Variants in IFT122 observed in about 807,000 individuals in gnomAD.
The protein encoded by IFT122 is intraflagellar transport 122, also known as intraflagellar transport protein 122 homolog.
In IFT122, 118 loss-of-function variants were observed where a neutral mutation model predicts 161.6. The ratio of observed to expected loss-of-function variants is 0.73; its 90% confidence interval spans 0.63 to 0.85. The LOEUF is 0.85. IFT122 is among the 40% of genes least tolerant of loss of function. The pLI, the probability that IFT122 is intolerant of heterozygous loss-of-function variation, is 0.00. For synonymous variants in IFT122, 550 were observed against 602.4 expected (o/e 0.91, Z 1.27); for missense variants, 1,381 against 1,579.6 (o/e 0.87, Z 2.13).
chr3:129,516,962 C>A (rs2083906846), intron 26 of IFT122, among the ~76,000 whole-genome samples: 1 of 139,414 alleles, frequency 7.2e-6, no homozygotes, highest in Non-Finnish European at 1.5e-5. Context: ...GAGACTGCCC[C>A]TACACACACA....
chr3:129,490,918 G>A (rs1482490288), intron 16 of IFT122, among the ~76,000 whole-genome samples: 2 of 152,230 alleles, frequency 1.3e-5, no homozygotes, highest in South Asian at 2.1e-4. Flanking sequence ...CTCCCTTAAC[G>A]CTGCCTCCCA....
At chr3:129,474,228 ACAGT>A (rs1298322777) in intron 9 of IFT122, among the ~76,000 whole-genome samples, 1 of 152,232 alleles carries the variant, frequency 6.6e-6, no homozygotes, top group Non-Finnish European at 1.5e-5. Context: ...GATGCCTTAA[ACAGT>A]CAAAGTCAAT....
intron 15 of IFT122, chr3:129,483,945 T>A (rs777459038): frequency 1.6e-4 from 86 of 533,076 alleles, no homozygotes; most frequent in Admixed American, 3.7e-4. Flanking sequence ...GGGTATGCAG[T>A]GTTGTCAGCA....
chr3:129,483,176 G>T (rs2078877816), intron 14 of IFT122, among the ~76,000 whole-genome samples: 1 of 152,132 alleles, frequency 6.6e-6, no homozygotes, highest in Non-Finnish European at 1.5e-5. Context: ...GATTATAAAA[G>T]ATTTAGTCAT....
intron 29 of IFT122, among the ~76,000 whole-genome samples, chr3:129,519,951 G>A (rs1054698131): frequency 7.2e-5 from 11 of 152,102 alleles, no homozygotes; most frequent in Admixed American, 2.6e-4. Context: ...AAATCCTGGG[G>A]GCCCAGCAAG....
rs2078900161 is a variant in IFT122 at position 129,483,379 on chromosome 3, C to A, written c.1654-106C>A. On this transcript the variant is annotated intron_variant, in intron 14 of 29. Coordinates refer to ENST00000348417, the MANE Select transcript of IFT122 (RefSeq NM_052989.3). Reference sequence around the variant, plus strand: ...CCTTTTCCCTCCATCCCACTGTAAGCAATTTAGTGGGATTCAGTCTTTAAG... The same window carrying A: ...CCTTTTCCCTCCATCCCACTGTAAGAAATTTAGTGGGATTCAGTCTTTAAG... 3 of 938,420 alleles carry A rather than the reference C, an allele frequency of 3.2e-6. No homozygotes were observed. The Admixed American group carries it at 5.2e-5, about 16-fold the overall frequency. The allele number at this position is 938,420 out of a possible 1,614,324, so 58.1% of individuals were successfully genotyped here. A position where few individuals can be genotyped will look rare whatever the true frequency, so the allele number is the denominator to read the frequency against.
chr3:129,487,130 G>T (rs2079383704), intron 15 of IFT122, among the ~76,000 whole-genome samples: 1 of 152,210 alleles, frequency 6.6e-6, no homozygotes, highest in South Asian at 2.1e-4. Context: ...GGAACCATTA[G>T]CACAGAGGTC....
rs551806128 is a variant in IFT122, at chr3:129,440,708, A to G, written c.41+337A>G. On this transcript the variant is annotated intron_variant, in intron 1 of 29. Transcript: ENST00000348417. ...GCTTCACAGTTCTTGCCACATCCAC[A>G]TAGTACCCATACTCTTGTTTTCTTG... Among the ~76,000 whole-genome samples the G allele has an allele frequency of 1.4e-4, 22 of 152,352 alleles. No homozygotes were observed. The South Asian group carries it at 4.1e-3, about 29-fold the overall frequency.
chr3:129,505,331 CTA>C (rs1464139919), intron 21 of IFT122, among the ~76,000 whole-genome samples: 4 of 152,320 alleles, frequency 2.6e-5, no homozygotes, highest in African/African-American at 9.6e-5. Context: ...ATTTACGCTT[CTA>C]TATGGTAACC....
At chr3:129,481,743 C>G (rs369223361) in intron 14 of IFT122, 49 bp downstream of exon 14, 3 of 1,592,072 alleles carry the variant, frequency 1.9e-6, no homozygotes, top group Non-Finnish European at 2.6e-6. Flanking sequence ...ATTAGAGACT[C>G]TCCTCTAGCT....
At chr3:129,517,681 G>T (rs2084158581) in intron 27 of IFT122, 87 bp downstream of exon 27, 1 of 1,531,608 alleles carries the variant, frequency 6.5e-7, no homozygotes, top group African/African-American at 1.4e-5. Context: ...CAGTCCCAGG[G>T]GATCGCGGGC....
In IFT122 at chr3:129,440,401, G is replaced by A. The variant is rs761799026; in HGVS notation, c.41+30G>A. ...GGAGCGGGGCGGTTCGCGAAGAGCA[G>A]GAGGTCGAGTCCTCGCGGGGAGTGC... On this transcript the variant is annotated intron_variant, in intron 1 of 29. Transcript: ENST00000348417. 1.9e-6 allele frequency: 3 copies of A among 1,549,900 alleles called. 1 individual carries two copies. In the South Asian group the frequency reaches 3.6e-5, roughly 18 times the overall value.
Position 129,476,316 on chromosome 3 carries a change from T to A in IFT122, c.818T>A (p.Ile273Asn). The change falls in exon 10 of 30, where the codon ATT becomes AAT. Residue 273 changes from isoleucine to asparagine, a missense_variant and splice_region_variant. Ile to Asn is a moderately radical substitution (Grantham distance 149). Around this residue, in one of 7 missense-constraint regions of IFT122, gnomAD observed 544 missense variants for 648.0 expected, o/e 0.84. Coordinates refer to ENST00000348417, the MANE Select transcript of IFT122 (RefSeq NM_052989.3). ...VSFYQLSGKQ[I>N]GKDRALNFDP... Reference sequence around the variant, plus strand: ...TTGCTGTGTGTTCTTTTTCCTCAGATTGGAAAGGATCGGGCACTGAACTTT... The same window carrying A: ...TTGCTGTGTGTTCTTTTTCCTCAGAATGGAAAGGATCGGGCACTGAACTTT... 6.2e-7 allele frequency: 1 copy of A among 1,614,176 alleles called. No homozygotes were observed. Among genetic ancestry groups the A allele is most frequent in the Non-Finnish European group, 8.5e-7 (1 of 1,180,022 alleles).
chr3:129,507,845 G>A, intron 23 of IFT122, 83 bp downstream of exon 23: 1 of 1,036,800 alleles, frequency 9.6e-7, no homozygotes, highest in Non-Finnish European at 1.5e-6. Flanking sequence ...CAGCAGACTG[G>A]ATGGAATGTA....
intron 1 of IFT122, among the ~76,000 whole-genome samples, chr3:129,449,368 T>G (rs1001810015): frequency 6.6e-6 from 1 of 151,914 alleles, no homozygotes; most frequent in African/African-American, 2.4e-5. Flanking sequence ...GAAAAAAAAA[T>G]GTAAGCTTTA....
At chr3:129,480,888 A>C (rs2078559088) in intron 13 of IFT122, among the ~76,000 whole-genome samples, 1 of 152,052 alleles carries the variant, frequency 6.6e-6, no homozygotes, top group African/African-American at 2.4e-5. Flanking sequence ...CAAAACAAAA[A>C]AAACACCAGG....
In IFT122 at chr3:129,514,495, CA is replaced by C. The variant is rs1458482815; in HGVS notation, c.3098del (p.Lys1033SerfsTer8). The C allele has an allele frequency of 4.3e-6, 7 of 1,614,098 alleles. No individual in the cohort carries two copies. Among genetic ancestry groups the C allele is most frequent in the Non-Finnish European group, 5.9e-6 (7 of 1,180,042 alleles). The stretch of plus-strand genomic sequence containing the variant: ...TGGCCTGTACATCCCTGCCAGATTC[CA>C]AAAGTCCATTGAGCTGGGTACCCTG... Reference protein sequence around the residue: ...LRGLYIPARFQKSIELGTLTI... With the variant: ...LRGLYIPARFXKSIELGTLTI... On this transcript the variant is annotated frameshift_variant, in exon 25 of 30. Coordinates refer to ENST00000348417, the MANE Select transcript of IFT122 (RefSeq NM_052989.3). LOFTEE classifies it high-confidence loss of function.
chr3:129,520,050 C>A, intron 29 of IFT122, 126 bp from the exon 30 acceptor site: 2 of 784,164 alleles, frequency 2.6e-6, no homozygotes, highest in Non-Finnish European at 4.4e-6. Context: ...AAAGGTGCTG[C>A]AGGTCTGTGT....
In IFT122 at chr3:129,499,641, G is replaced by A. The variant is rs550560690; in HGVS notation, c.2209-261G>A. Among the ~76,000 whole-genome samples the A allele has an allele frequency of 4.6e-5, 7 of 152,350 alleles. No homozygotes were observed. The South Asian group carries it at 1.2e-3, about 27-fold the overall frequency. ...TTAGCCGATGAACAAATGCCCATTT[G>A]TGAGACGGGAAGGAAGCACTGGGGG... On this transcript the variant is annotated intron_variant, in intron 18 of 29. Transcript: ENST00000348417.
Sources: gnomAD v4.1 joint callset for allele counts (sites outside exome capture counted in the v4.1 genomes callset) on GRCh38, gnomAD v4.1.1 for gene constraint, gnomAD v4.1.1 regional missense constraint, MANE v1.5 for transcripts, NCBI Gene and HGNC (gene_info 2026-07-23, HGNC 2026-07-21) for gene names.